The following HS6ST3 variants were observed in gnomAD, a reference collection of about 807,000 sequenced individuals.
The protein encoded by HS6ST3 is heparan-sulfate 6-O-sulfotransferase 3.
In HS6ST3, 12 loss-of-function variants were observed where a neutral mutation model predicts 36.7. The observed-to-expected ratio is 0.33, with a 90% confidence interval of 0.21 to 0.53. The LOEUF is 0.53. Ranked by LOEUF, HS6ST3 falls within the 20% of genes least tolerant of loss-of-function variation. The pLI, the probability that HS6ST3 is intolerant of heterozygous loss-of-function variation, is 0.95. For missense variants in HS6ST3, 584 were observed against 640.9 expected (o/e 0.91, Z 0.96); for synonymous variants, 240 against 257.5 (o/e 0.93, Z 0.65).
intron 1 of HS6ST3, among the ~76,000 whole-genome samples, chr13:96,234,100 T>TA (rs550848346): frequency 0.073 from 10,222 of 139,620 alleles, 417 homozygotes; most frequent in East Asian, 0.16. Context: ...TTTCATCTGT[T>TA]AAAAAAAAAA....
intron 1 of HS6ST3, among the ~76,000 whole-genome samples, chr13:96,823,385 C>G (rs1215010640): frequency 6.6e-6 from 1 of 152,110 alleles, no homozygotes; most frequent in Non-Finnish European, 1.5e-5. Context: ...CAAATTATGA[C>G]ACATCCATAA....
chr13:96,727,691 A>G (rs1876040895), intron 1 of HS6ST3, among the ~76,000 whole-genome samples: 1 of 152,158 alleles, frequency 6.6e-6, no homozygotes, highest in South Asian at 2.1e-4. Context: ...CCTTTACCAC[A>G]TACCTCATGG....
chr13:96,485,868 C>CT (rs200044989), intron 1 of HS6ST3, among the ~76,000 whole-genome samples: 12 of 152,002 alleles, frequency 7.9e-5, no homozygotes, highest in Middle Eastern at 6.8e-3. Context: ...ATATCAATTT[C>CT]TTTTTTTTAT....
At chr13:96,321,642 C>T (rs1193603749) in intron 1 of HS6ST3, among the ~76,000 whole-genome samples, 3 of 152,174 alleles carry the variant, frequency 2.0e-5, no homozygotes, top group Non-Finnish European at 4.4e-5. Context: ...TTCCTCCTCA[C>T]TCAGCATAAA....
chr13:96,358,814 G>A (rs971684743), intron 1 of HS6ST3, among the ~76,000 whole-genome samples: 5 of 151,898 alleles, frequency 3.3e-5, no homozygotes, highest in Non-Finnish European at 7.4e-5. Context: ...ATATTTAGGG[G>A]TATTATGCTG....
chr13:96,106,365 C>T (rs1237854965), intron 1 of HS6ST3, among the ~76,000 whole-genome samples: 6 of 152,180 alleles, frequency 3.9e-5, no homozygotes, highest in Non-Finnish European at 8.8e-5. Context: ...CTTGCTCTCT[C>T]TCTCTCTCTC....
At chr13:96,377,076 A>G (rs1184979086) in intron 1 of HS6ST3, among the ~76,000 whole-genome samples, 1 of 148,368 alleles carries the variant, frequency 6.7e-6, no homozygotes, top group Non-Finnish European at 1.5e-5. Flanking sequence ...ATATATATAT[A>G]TAATTAGGCC....
intron 1 of HS6ST3, among the ~76,000 whole-genome samples, chr13:96,155,009 A>C (rs1392173424): frequency 6.6e-6 from 1 of 152,150 alleles, no homozygotes; most frequent in Non-Finnish European, 1.5e-5. Context: ...AAAATTATGC[A>C]GACTAGATAG....
At chr13:96,430,518 G>A (rs1308197115) in intron 1 of HS6ST3, among the ~76,000 whole-genome samples, 1 of 152,130 alleles carries the variant, frequency 6.6e-6, no homozygotes, top group Admixed American at 6.6e-5. Flanking sequence ...GGCCCTCATT[G>A]TTGCCATGAA....
At chr13:96,569,825 G>C (rs1352326755) in intron 1 of HS6ST3, among the ~76,000 whole-genome samples, 1 of 152,116 alleles carries the variant, frequency 6.6e-6, no homozygotes, top group Admixed American at 6.5e-5. Context: ...CAAGTTTGGA[G>C]CATTTCAATA....
At chr13:96,662,537 TG>T (rs2056650049) in intron 1 of HS6ST3, among the ~76,000 whole-genome samples, 3 of 151,774 alleles carry the variant, frequency 2.0e-5, no homozygotes, top group Non-Finnish European at 4.4e-5. Flanking sequence ...TGTGTGTGTG[TG>T]TGTGTGTGTT....
intron 1 of HS6ST3, among the ~76,000 whole-genome samples, chr13:96,326,947 T>G (rs988137371): frequency 3.3e-5 from 5 of 150,550 alleles, no homozygotes; most frequent in African/African-American, 1.2e-4. Context: ...GAGCATTTTT[T>G]CATGTGTTTT....
At chr13:96,106,941 T>C (rs1172397475) in intron 1 of HS6ST3, among the ~76,000 whole-genome samples, 2 of 152,232 alleles carry the variant, frequency 1.3e-5, no homozygotes, top group South Asian at 4.1e-4. Flanking sequence ...TTGAAATCAG[T>C]CCAGTTAGAA....
chr13:96,297,073 C>G (rs16953068), intron 1 of HS6ST3, among the ~76,000 whole-genome samples: 52,961 of 151,898 alleles, frequency 0.35, 9,452 homozygotes, highest in South Asian at 0.4. Context: ...TGCTATATTA[C>G]AGACTCTTTA....
At chr13:96,300,419 G>A (rs1594746991) in intron 1 of HS6ST3, among the ~76,000 whole-genome samples, 1 of 151,980 alleles carries the variant, frequency 6.6e-6, no homozygotes, top group African/African-American at 2.4e-5. Context: ...AACAGCAAGG[G>A]GGAAATTCAT....
At chr13:96,484,408 C>T (rs1199216821) in intron 1 of HS6ST3, among the ~76,000 whole-genome samples, 1 of 152,004 alleles carries the variant, frequency 6.6e-6, no homozygotes, top group Non-Finnish European at 1.5e-5. Context: ...GTATATAATG[C>T]AGTATTGTTA....
chr13:96,790,781 T>C (rs1409318248), intron 1 of HS6ST3, among the ~76,000 whole-genome samples: 1 of 152,032 alleles, frequency 6.6e-6, no homozygotes, highest in African/African-American at 2.4e-5. Context: ...TCGATAGCAG[T>C]CACCTTCACA....
rs138328064 is a variant in HS6ST3 at position 96,415,228 on chromosome 13, T to C, written c.707+323659T>C. On this transcript the variant is annotated intron_variant, in intron 1 of 1. Transcript: ENST00000376705. ...TGAGGGAAGTTGTCTGGGAACATGA[T>C]GTTCTGTACAGAGGGAGTGGGAACC... is the stretch of plus-strand genomic sequence containing the variant. Among the ~76,000 whole-genome samples, 9 of 152,248 alleles carry C rather than the reference T, an allele frequency of 5.9e-5. No individual in the cohort carries two copies. The East Asian group carries it at 1.7e-3, about 29-fold the overall frequency.
At chr13:96,214,526 A>C (rs80308173) in intron 1 of HS6ST3, among the ~76,000 whole-genome samples, 1,770 of 152,290 alleles carry the variant, frequency 0.012, 37 homozygotes, top group African/African-American at 0.041. Context: ...AGGGTAAGCT[A>C]CCTGTTCCCC....
Sources: gnomAD v4.1 joint callset for allele counts (sites outside exome capture counted in the v4.1 genomes callset) on GRCh38, gnomAD v4.1.1 for gene constraint, MANE v1.5 for transcripts, NCBI Gene and HGNC (gene_info 2026-07-23, HGNC 2026-07-21) for gene names.